The following CFAP300 variants were observed in gnomAD, a reference collection of about 807,000 sequenced individuals.
CFAP300 encodes the protein cilia and flagella associated protein 300.
In CFAP300, 32 loss-of-function variants were observed where a neutral mutation model predicts 33.0. That is an observed-to-expected ratio of 0.97 (90% CI 0.73 to 1.30). The LOEUF is 1.30. Among genes scored for constraint, CFAP300 ranks in the 50% most tolerant of loss-of-function variants. The pLI is 0.00. For synonymous variants in CFAP300, 102 were observed against 106.8 expected (o/e 0.95, Z 0.28); for missense variants, 356 against 318.1 (o/e 1.12, Z -0.90).
At chr11:102,077,437 G>A (rs1942412573) in intron 5 of CFAP300, among the ~76,000 whole-genome samples, 1 of 152,202 alleles carries the variant, frequency 6.6e-6, no homozygotes, top group Admixed American at 6.5e-5. Context: ...GTTTGTACAT[G>A]TTGGGAGCAC....
intron 4 of CFAP300, among the ~76,000 whole-genome samples, chr11:102,070,887 A>C (rs1942303808): frequency 6.6e-6 from 1 of 152,080 alleles, no homozygotes; most frequent in Non-Finnish European, 1.5e-5. Flanking sequence ...TTCTAGTTTT[A>C]TTCCATTGCA....
At chr11:102,072,466 GAA>G (rs141714581) in intron 4 of CFAP300, among the ~76,000 whole-genome samples, 5,298 of 151,462 alleles carry the variant, frequency 0.035, 120 homozygotes, top group Middle Eastern at 0.082. Flanking sequence ...TTTTTTGAGA[GAA>G]TTTTTTTTTT....
intron 2 of CFAP300, among the ~76,000 whole-genome samples, chr11:102,056,867 C>T (rs1488726012): frequency 2.0e-5 from 3 of 151,918 alleles, no homozygotes; most frequent in Middle Eastern, 3.2e-3. Context: ...TCAAGTGATC[C>T]ACCCACCTTG....
intron 3 of CFAP300, among the ~76,000 whole-genome samples, chr11:102,059,344 G>A (rs1191002483): frequency 6.6e-6 from 1 of 150,978 alleles, no homozygotes; most frequent in Non-Finnish European, 1.5e-5. Flanking sequence ...TGTCAAAGGT[G>A]CTACCATAGA....
At chr11:102,056,595 T>TTTTG (rs778067756) in intron 2 of CFAP300, among the ~76,000 whole-genome samples, 33 of 151,976 alleles carry the variant, frequency 2.2e-4, no homozygotes, top group African/African-American at 6.8e-4. Flanking sequence ...TTGTGGGGTT[T>TTTTG]TTTGTTTGTT....
intron 4 of CFAP300, among the ~76,000 whole-genome samples, chr11:102,068,827 C>T (rs1942267199): frequency 6.6e-6 from 1 of 152,150 alleles, no homozygotes; most frequent in Admixed American, 6.6e-5. Context: ...AAATACTATG[C>T]AGTAGGGATC....
At chr11:102,055,960 C>T (rs111237996) in intron 2 of CFAP300, among the ~76,000 whole-genome samples, 289 of 152,226 alleles carry the variant, frequency 1.9e-3, no homozygotes, top group Admixed American at 3.5e-3. Flanking sequence ...TGAGCCACCG[C>T]GCCCGGCCCT....
intron 3 of CFAP300, among the ~76,000 whole-genome samples, chr11:102,062,910 G>A (rs1394514896): frequency 1.0e-3 from 156 of 152,200 alleles, no homozygotes; most frequent in Non-Finnish European, 4.4e-5. Context: ...ATGAGATGAA[G>A]GAAGGCTGTT....
In CFAP300 at chr11:102,079,830, ACT is replaced by A. The variant is rs750463779; in HGVS notation, c.609-1382_609-1381del. Among the ~76,000 whole-genome samples the A allele has an allele frequency of 4.7e-4, 72 of 152,280 alleles. 1 individual carries two copies. The highest frequency in any genetic ancestry group is 2.4e-4 in the Non-Finnish European group (16 of 68,030). On this transcript the variant is annotated intron_variant, in intron 5 of 6. Coordinates refer to ENST00000434758, the MANE Select transcript of CFAP300 (RefSeq NM_032930.3). ...TGAGGTGTAACAGAAAGATGACTGGACTCTGAGTCACCTGTATTCTATTCCCA... is the reference window on the plus strand; with the variant it reads ...TGAGGTGTAACAGAAAGATGACTGGACTGAGTCACCTGTATTCTATTCCCA...
At chr11:102,073,198 A>T (rs967503208) in intron 4 of CFAP300, among the ~76,000 whole-genome samples, 3 of 152,130 alleles carry the variant, frequency 2.0e-5, no homozygotes, top group African/African-American at 4.8e-5. Context: ...CATTAAATGG[A>T]TGATGGCTGT....
chr11:102,048,409 AG>A (rs1941919595), intron 2 of CFAP300, among the ~76,000 whole-genome samples: 1 of 50,062 alleles, frequency 2.0e-5, no homozygotes, highest in African/African-American at 8.8e-5. Flanking sequence ...TTTTAGAGGC[AG>A]AGTCTCACTA....
chr11:102,075,463 G>T (rs1487577510), intron 4 of CFAP300, among the ~76,000 whole-genome samples: 1 of 152,166 alleles, frequency 6.6e-6, no homozygotes, highest in Non-Finnish European at 1.5e-5. Context: ...AGAGGAGAGA[G>T]CTTAGAAAAT....
At chr11:102,054,516 A>G (rs1942019561) in intron 2 of CFAP300, among the ~76,000 whole-genome samples, 2 of 151,670 alleles carry the variant, frequency 1.3e-5, no homozygotes, top group Admixed American at 1.3e-4. Flanking sequence ...ATGGATCCTC[A>G]GGTCAGGAGT....
chr11:102,064,716 C>A (rs550744497), intron 3 of CFAP300, among the ~76,000 whole-genome samples: 1 of 152,260 alleles, frequency 6.6e-6, no homozygotes, highest in South Asian at 2.1e-4. Context: ...GGTCTACAAT[C>A]TTAGAGCTTT....
At chr11:102,078,048 A>G (rs1591066255) in intron 5 of CFAP300, among the ~76,000 whole-genome samples, 2 of 151,716 alleles carry the variant, frequency 1.3e-5, no homozygotes, top group African/African-American at 4.8e-5. Flanking sequence ...ACACCACTAC[A>G]CCTGGCTAAG....
chr11:102,084,265 A>G lies in CFAP300; in HGVS notation c.*1066A>G, dbSNP rs922624978. 3 of 152,170 alleles carry G rather than the reference A, an allele frequency of 2.0e-5. No individual in the cohort carries two copies. Among genetic ancestry groups the G allele is most frequent in the South Asian group, 2.1e-4 (1 of 4,828 alleles). 9.4% of individuals were successfully genotyped at this position (152,170 alleles called of 1,614,324 possible). ...GGCAAAAATCATTGACATATATCCCATGGGTCATGGGAAGCCTGTAAGAAA... is the reference window on the plus strand; with the variant it reads ...GGCAAAAATCATTGACATATATCCCGTGGGTCATGGGAAGCCTGTAAGAAA... On this transcript the variant is annotated 3_prime_UTR_variant, in exon 7 of 7. Transcript: ENST00000434758.
chr11:102,061,527 C>A (rs1024508632), intron 3 of CFAP300, among the ~76,000 whole-genome samples: 6 of 152,142 alleles, frequency 3.9e-5, no homozygotes, highest in Non-Finnish European at 7.4e-5. Context: ...TACACTTTGT[C>A]TTTTTTTGAT....
chr11:102,081,368 A>G, intron 6 of CFAP300, 87 bp downstream of exon 6: 1 of 1,024,092 alleles, frequency 9.8e-7, no homozygotes, highest in South Asian at 1.4e-5. Flanking sequence ...AATCAGGACA[A>G]TGTTATGCCT....
intron 5 of CFAP300, among the ~76,000 whole-genome samples, chr11:102,080,804 T>C (rs943553830): frequency 6.6e-6 from 1 of 152,220 alleles, no homozygotes; most frequent in Non-Finnish European, 1.5e-5. Context: ...GAAAGGTTAA[T>C]CCTACTCAAA....
Sources: gnomAD v4.1 joint callset for allele counts (sites outside exome capture counted in the v4.1 genomes callset) on GRCh38, gnomAD v4.1.1 for gene constraint, MANE v1.5 for transcripts, NCBI Gene and HGNC (gene_info 2026-07-23, HGNC 2026-07-21) for gene names.